Variants in DDHD1 observed in about 807,000 individuals in gnomAD.
DDHD1 encodes the protein DDHD domain containing 1.
A neutral mutation model predicts 96.4 loss-of-function variants in DDHD1; 49 were observed. The observed-to-expected ratio is 0.51, with a 90% CI of 0.40 to 0.64. The LOEUF is 0.64. Ranked by LOEUF, DDHD1 falls within the 30% of genes least tolerant of loss-of-function variation. DDHD1 has a pLI of 0.00. For missense variants in DDHD1, 1,106 were observed against 1,161.2 expected (o/e 0.95, Z 0.69); for synonymous variants, 442 against 446.5 (o/e 0.99, Z 0.13).
chr14:53,077,516 A>G (rs1232058864), intron 4 of DDHD1, among the ~76,000 whole-genome samples: 1 of 152,130 alleles, frequency 6.6e-6, no homozygotes, highest in Non-Finnish European at 1.5e-5. Flanking sequence ...GGTTTTATAT[A>G]TTTTGATGTC....
chr14:53,073,220 A>G (rs895068374), intron 5 of DDHD1, among the ~76,000 whole-genome samples: 2 of 152,048 alleles, frequency 1.3e-5, no homozygotes, highest in African/African-American at 4.8e-5. Flanking sequence ...GAAGACAACT[A>G]AACTGATTTT....
intron 1 of DDHD1, 60 bp downstream of exon 1, chr14:53,152,201 G>T: frequency 1.3e-6 from 2 of 1,482,878 alleles, no homozygotes; most frequent in Non-Finnish European, 1.8e-6. Flanking sequence ...AACCCACACC[G>T]GTGCGCATCG....
At position 53,046,778 on chromosome 14, in the gene DDHD1, T is replaced by A. The variant is rs748343890; in HGVS notation, c.2693A>T (p.Asp898Val). 1.1e-5 allele frequency: 17 copies of A among 1,603,834 alleles called. No individual in the cohort carries two copies. Among genetic ancestry groups the A allele is most frequent in the African/African-American group, 4.0e-5 (3 of 74,248 alleles). ...EHDDDAKPNL[D>V]PI is the part of the protein sequence containing the mutation. Reference sequence around the variant, plus strand: ...GTCCTTCAAGAGAGTTCAGATTGGATCTAAATTGGGTTTTGCATCATCATC... The same window carrying A: ...GTCCTTCAAGAGAGTTCAGATTGGAACTAAATTGGGTTTTGCATCATCATC... The change falls in exon 13 of 13, where the codon GAT (aspartate) becomes GTT (valine). Residue 898 changes from aspartate to valine, a missense_variant. Physicochemically the swap from Asp to Val is radical, Grantham distance 152. This residue lies in a region of DDHD1 where 650 missense variants were observed against 758.8 expected (regional missense o/e 0.86). Transcript: ENST00000673822.
chr14:53,108,808 T>C (rs1039340812), intron 1 of DDHD1, among the ~76,000 whole-genome samples: 12 of 152,234 alleles, frequency 7.9e-5, no homozygotes, highest in African/African-American at 2.9e-4. Context: ...AGATTTCTGC[T>C]TCTAAGTTTG....
chr14:53,103,196 T>TA, intron 2 of DDHD1: 1 of 673,186 alleles, frequency 1.5e-6, no homozygotes, highest in Non-Finnish European at 2.4e-6. Flanking sequence ...AAGTGCTGAA[T>TA]AAAGAAATGT....
chr14:53,107,960 A>T (rs1887821415), intron 1 of DDHD1, among the ~76,000 whole-genome samples: 1 of 152,186 alleles, frequency 6.6e-6, no homozygotes, highest in Admixed American at 6.5e-5. Context: ...GCACAGCGGG[A>T]GGGACAATGA....
At chr14:53,118,029 G>A (rs546552654) in intron 1 of DDHD1, among the ~76,000 whole-genome samples, 2 of 152,330 alleles carry the variant, frequency 1.3e-5, no homozygotes, top group African/African-American at 4.8e-5. Context: ...AGGGTCTGGA[G>A]TGGACCTCCA....
intron 1 of DDHD1, among the ~76,000 whole-genome samples, chr14:53,133,053 G>T (rs569012869): frequency 6.6e-6 from 1 of 152,268 alleles, no homozygotes; most frequent in Non-Finnish European, 1.5e-5. Context: ...CCTCGTCCAT[G>T]AAGGTTACAG....
At position 53,152,820 on chromosome 14, in the gene DDHD1, G is replaced by T; in HGVS notation, c.279C>A (p.Ser93=). 1 of 1,611,700 alleles carries T rather than the reference G, an allele frequency of 6.2e-7. No homozygotes were observed. Among genetic ancestry groups the T allele is most frequent in the South Asian group, 1.1e-5 (1 of 90,918 alleles). Residue 93 remains serine, a synonymous_variant, in exon 1 of 13, where the codon TCC becomes TCA. Transcript: ENST00000673822. ...CLSDENYDFS[S]AESGSSLRYY... is the part of the protein sequence containing the mutation. ...AGCGCAGCGAGGAGCCCGACTCGGC[G>T]GAGCTGAAGTCATAGTTCTCGTCAC...
intron 6 of DDHD1, among the ~76,000 whole-genome samples, chr14:53,065,275 G>C (rs140029079): frequency 6.6e-6 from 1 of 152,272 alleles, no homozygotes; most frequent in Non-Finnish European, 1.5e-5. Flanking sequence ...TTAGTCCTTT[G>C]TTCTCCCTGC....
intron 1 of DDHD1, among the ~76,000 whole-genome samples, chr14:53,137,128 T>C (rs971007298): frequency 6.6e-6 from 1 of 151,800 alleles, no homozygotes; most frequent in Non-Finnish European, 1.5e-5. Context: ...AAAAATACAA[T>C]ATAAAAAATA....
At chr14:53,094,469 G>C (rs1375616699) in intron 2 of DDHD1, among the ~76,000 whole-genome samples, 1 of 152,196 alleles carries the variant, frequency 6.6e-6, no homozygotes, top group African/African-American at 2.4e-5. Flanking sequence ...GGGAGGCTTA[G>C]GCAGGAGGAT....
At chr14:53,108,503 G>GT (rs1434779772) in intron 1 of DDHD1, among the ~76,000 whole-genome samples, 4 of 152,106 alleles carry the variant, frequency 2.6e-5, no homozygotes, top group Admixed American at 1.3e-4. Flanking sequence ...AGGACCCCTG[G>GT]TAACAGTGCC....
In DDHD1 at chr14:53,152,247, G is replaced by A. The variant is rs372898360; in HGVS notation, c.838+14C>T. On this transcript the variant is annotated intron_variant, in intron 1 of 12. Coordinates refer to ENST00000673822, the MANE Select transcript of DDHD1 (RefSeq NM_001160148.2). ...GGGCAGCCCGTCCTGCCCTAACCCC[G>A]GCCCGCTACTCACGGTTCCAGTACA... 53 of 1,586,164 alleles carry A rather than the reference G, an allele frequency of 3.3e-5. No homozygotes were observed. The Middle Eastern group carries it at 6.8e-4, about 20-fold the overall frequency.
intron 1 of DDHD1, among the ~76,000 whole-genome samples, chr14:53,113,998 G>T (rs913195769): frequency 1.3e-5 from 2 of 152,232 alleles, no homozygotes; most frequent in African/African-American, 2.4e-5. Context: ...CAGCACAGCA[G>T]TCTGAAGTCG....
chr14:53,074,335 T>C (rs929427231), intron 4 of DDHD1, among the ~76,000 whole-genome samples: 6 of 151,816 alleles, frequency 4.0e-5, no homozygotes, highest in Non-Finnish European at 7.4e-5. Context: ...TTGTGATTAG[T>C]ATTACAATTA....
At chr14:53,065,928 A>G (rs142615942) in intron 6 of DDHD1, among the ~76,000 whole-genome samples, 216 of 152,354 alleles carry the variant, frequency 1.4e-3, no homozygotes, top group African/African-American at 5.0e-3. Context: ...TCTATTAAAA[A>G]TATGGTGGCC....
chr14:53,092,262 AAC>A (rs1413263323), intron 3 of DDHD1: 1 of 173,980 alleles, frequency 5.7e-6, no homozygotes, highest in Non-Finnish European at 1.2e-5. Flanking sequence ...TGCAAAATAT[AAC>A]ACATAATTAC....
At chr14:53,126,661 C>G (rs1329102482) in intron 1 of DDHD1, among the ~76,000 whole-genome samples, 1 of 152,206 alleles carries the variant, frequency 6.6e-6, no homozygotes, top group African/African-American at 2.4e-5. Flanking sequence ...AGCCACCCAC[C>G]CGGCTGATGT....
Sources: allele counts gnomAD v4.1 joint callset (sites outside exome capture counted in the v4.1 genomes callset), GRCh38; gene constraint gnomAD v4.1.1; regional missense constraint gnomAD v4.1.1; transcripts MANE v1.5; gene names NCBI Gene and HGNC (gene_info 2026-07-23, HGNC 2026-07-21).